LTBP1: variants seen among roughly 807,000 people sequenced by gnomAD.
The protein encoded by LTBP1 is latent transforming growth factor beta binding protein 1.
Under a neutral mutation model 207.6 loss-of-function variants are expected in LTBP1, and 129 were observed. The ratio of observed to expected loss-of-function variants is 0.62; its 90% confidence interval spans 0.54 to 0.72. The LOEUF (loss-of-function observed/expected upper bound fraction) is 0.72, where lower values mean the gene tolerates loss of function less well. Ranked by LOEUF, LTBP1 falls within the 30% of genes least tolerant of loss-of-function variation. LTBP1 has a pLI of 0.00. For missense variants in LTBP1, 2,281 were observed against 2,217.2 expected (o/e 1.03, Z -0.58); for synonymous variants, 963 against 833.7 (o/e 1.16, Z -2.67).
At chr2:33,052,380 T>G (rs1374372102) in intron 3 of LTBP1, among the ~76,000 whole-genome samples, 2 of 152,252 alleles carry the variant, frequency 1.3e-5, no homozygotes, top group Non-Finnish European at 2.9e-5. Flanking sequence ...TAAGACTGAA[T>G]TAGATTATTT....
At chr2:33,202,530 C>A (rs964703) in intron 7 of LTBP1, among the ~76,000 whole-genome samples, 77,135 of 152,048 alleles carry the variant, frequency 0.51, 19,770 homozygotes, top group African/African-American at 0.54. Context: ...TCTATGATTA[C>A]AAAACAAACA....
chr2:33,285,428 T>TA (rs1312003191), intron 19 of LTBP1, among the ~76,000 whole-genome samples: 1 of 150,410 alleles, frequency 6.6e-6, no homozygotes, highest in Non-Finnish European at 1.5e-5. Context: ...CATTGGAGCA[T>TA]TCTCTTTTCT....
intron 3 of LTBP1, among the ~76,000 whole-genome samples, chr2:33,054,223 C>T (rs528432529): frequency 2.6e-5 from 4 of 152,278 alleles, no homozygotes; most frequent in Middle Eastern, 3.4e-3. Context: ...ACTGACCGTT[C>T]GGTTTTTGTA....
chr2:33,147,753 G>C (rs1210599126), intron 5 of LTBP1, among the ~76,000 whole-genome samples: 1 of 152,190 alleles, frequency 6.6e-6, no homozygotes, highest in Non-Finnish European at 1.5e-5. Context: ...TGCCGGGAGG[G>C]CAGGCTGCCT....
rs140745848 is a variant in LTBP1, at chr2:33,345,413, A to T, written c.3857-1954A>T. Among the ~76,000 whole-genome samples, 17 of 152,368 alleles carry T rather than the reference A, an allele frequency of 1.1e-4. No homozygotes were observed. The East Asian group carries it at 1.9e-3, about 17-fold the overall frequency. On this transcript the variant is annotated intron_variant, in intron 25 of 33. Transcript: ENST00000404816. Reference sequence around the variant, plus strand: ...GCCCCACAGAAGTAAGCTAGGAAATATTTCTTGATTGAATTATTGCAGTCT... The same window carrying T: ...GCCCCACAGAAGTAAGCTAGGAAATTTTTCTTGATTGAATTATTGCAGTCT...
intron 2 of LTBP1, among the ~76,000 whole-genome samples, chr2:32,983,725 C>G: frequency 6.6e-6 from 1 of 152,202 alleles, no homozygotes; most frequent in African/African-American, 2.4e-5. Flanking sequence ...CACTCTCATG[C>G]CTGACGCCAT....
chr2:33,097,688 A>G (rs1232143363), intron 3 of LTBP1, among the ~76,000 whole-genome samples: 2 of 152,092 alleles, frequency 1.3e-5, no homozygotes, highest in Non-Finnish European at 2.9e-5. Flanking sequence ...ATTATCTTTA[A>G]CTTTTTTAGT....
In LTBP1 at chr2:33,123,763, A is replaced by G. The variant is rs146483135; in HGVS notation, c.1034-11030A>G. Among the ~76,000 whole-genome samples, 95 of 152,326 alleles carry G rather than the reference A, an allele frequency of 6.2e-4. 1 individual carries two copies. In the East Asian group the frequency reaches 0.014, roughly 22 times the overall value. On this transcript the variant is annotated intron_variant, in intron 4 of 33. Transcript: ENST00000404816. ...AGTTCCACCCTCCTCCTCCTCATCTATTTAGCACTTTCTGCATGCCAACCA... is the reference window on the plus strand; with the variant it reads ...AGTTCCACCCTCCTCCTCCTCATCTGTTTAGCACTTTCTGCATGCCAACCA...
At chr2:33,055,142 G>C (rs979028656) in intron 3 of LTBP1, among the ~76,000 whole-genome samples, 2 of 152,052 alleles carry the variant, frequency 1.3e-5, no homozygotes, top group African/African-American at 4.8e-5. Flanking sequence ...CCTTATTATA[G>C]AACACCGAGG....
rs1676358329 is a variant in LTBP1, at chr2:32,947,502, G to A, written c.178G>A (p.Ala60Thr). 7.0e-7 allele frequency: 1 copy of A among 1,428,664 alleles called. No homozygotes were observed. Among genetic ancestry groups the A allele is most frequent in the Admixed American group, 2.7e-5 (1 of 36,738 alleles). 88.5% of individuals were successfully genotyped at this position (1,428,664 alleles called of 1,614,324 possible). Reference protein sequence around the residue: ...RSRTFNVALNARYSRSSAAAG... With the variant: ...RSRTFNVALNTRYSRSSAAAG... ...GCGGACATTCAACGTCGCGCTCAACGCCAGGTACAGCCGCAGCTCGGCGGC... is the reference window on the plus strand; with the variant it reads ...GCGGACATTCAACGTCGCGCTCAACACCAGGTACAGCCGCAGCTCGGCGGC... Residue 60 changes from alanine to threonine, a missense_variant, in exon 1 of 34, where the codon GCC becomes ACC. Ala to Thr is a moderately conservative substitution (Grantham distance 58). This residue lies in a region of LTBP1 where 555 missense variants were observed against 491.0 expected (regional missense o/e 1.13). Transcript: ENST00000404816.
At chr2:33,389,712 T>C (rs536795001) in intron 32 of LTBP1, among the ~76,000 whole-genome samples, 1 of 152,320 alleles carries the variant, frequency 6.6e-6, no homozygotes, top group South Asian at 2.1e-4. Flanking sequence ...CGATCTCAGC[T>C]CACTGCAACC....
chr2:33,167,822 T>C (rs557016163), intron 5 of LTBP1, among the ~76,000 whole-genome samples: 1 of 152,326 alleles, frequency 6.6e-6, no homozygotes, highest in Admixed American at 6.5e-5. Flanking sequence ...CTGGATAGGT[T>C]GCAAGAACTA....
chr2:33,236,493 A>C (rs567075898), intron 9 of LTBP1, among the ~76,000 whole-genome samples: 1 of 152,338 alleles, frequency 6.6e-6, no homozygotes, highest in South Asian at 2.1e-4. Context: ...ATTGGGACCC[A>C]TTCCTGTGCA....
intron 2 of LTBP1, among the ~76,000 whole-genome samples, chr2:32,985,381 G>A (rs894494721): frequency 1.3e-5 from 2 of 152,094 alleles, no homozygotes; most frequent in Non-Finnish European, 2.9e-5. Context: ...CCATTTTATC[G>A]ATGAGGAAAC....
chr2:33,177,048 A>G (rs2086135314), intron 5 of LTBP1, among the ~76,000 whole-genome samples: 1 of 152,198 alleles, frequency 6.6e-6, no homozygotes, highest in Non-Finnish European at 1.5e-5. Flanking sequence ...GTGGGGTAGA[A>G]AAACATTAAA....
intron 3 of LTBP1, among the ~76,000 whole-genome samples, chr2:33,048,796 T>TA (rs537824482): frequency 5.1e-4 from 78 of 152,318 alleles, no homozygotes; most frequent in African/African-American, 1.8e-3. Flanking sequence ...CAAAAAATCT[T>TA]ACAGTATTTA....
At chr2:33,221,603 A>G (rs898959190) in intron 8 of LTBP1, among the ~76,000 whole-genome samples, 2 of 152,208 alleles carry the variant, frequency 1.3e-5, no homozygotes, top group South Asian at 2.1e-4. Context: ...CGATCCAGCA[A>G]TTAGGATGAG....
Position 33,340,809 on chromosome 2 carries a change from G to A in LTBP1, c.3731-2029G>A, listed in dbSNP as rs151062696. ...ATTTTGTTTAATGCTCACAGTAATT[G>A]TAGGAACTTACCAATGTTATTAATA... On this transcript the variant is annotated intron_variant, in intron 24 of 33. Transcript: ENST00000404816. 3.4e-3 allele frequency among the ~76,000 whole-genome samples: 524 copies of A among 152,260 alleles called. 2 individuals carry two copies. Among genetic ancestry groups the A allele is most frequent in the African/African-American group, 0.012 (503 of 41,550 alleles).
chr2:33,008,287 A>G (rs1465307551), intron 2 of LTBP1, among the ~76,000 whole-genome samples: 2 of 152,280 alleles, frequency 1.3e-5, no homozygotes, highest in African/African-American at 4.8e-5. Context: ...GTTCCAACAT[A>G]GTACATTTAT....
Sources: gnomAD v4.1 joint callset for allele counts (sites outside exome capture counted in the v4.1 genomes callset) on GRCh38, gnomAD v4.1.1 for gene constraint, gnomAD v4.1.1 regional missense constraint, MANE v1.5 for transcripts, NCBI Gene and HGNC (gene_info 2026-07-23, HGNC 2026-07-21) for gene names.